The following HUNK variants were observed in gnomAD, a reference collection of about 807,000 sequenced individuals.
The protein encoded by HUNK is hormonally up-regulated Neu-associated kinase.
A neutral mutation model predicts 61.0 loss-of-function variants in HUNK; 21 were observed. The ratio of observed to expected loss-of-function variants is 0.34; its 90% CI spans 0.24 to 0.50. The LOEUF (loss-of-function observed/expected upper bound fraction) is 0.50, where lower values mean the gene tolerates loss of function less well. HUNK is among the 20% of genes least tolerant of loss of function. The probability of loss-of-function intolerance (pLI) is 0.98; values close to 1 mark genes in which losing one functional copy is unlikely to be tolerated. For synonymous variants in HUNK, 371 were observed against 386.1 expected, an observed-to-expected ratio of 0.96 and a Z score of 0.46; for missense variants, 772 against 945.7, an observed-to-expected ratio of 0.82 and a Z score of 2.41.
chr21:31,947,937 C>T (rs1177204671), intron 4 of HUNK, among the ~76,000 whole-genome samples: 1 of 152,182 alleles, frequency 6.6e-6, no homozygotes, highest in African/African-American at 2.4e-5. Context: ...CACTGTAACC[C>T]CCTTGTCCAG....
Position 31,983,562 on chromosome 21 carries a change from C to A in HUNK, c.1210C>A (p.Arg404=). The A allele has an allele frequency of 6.2e-7, 1 of 1,613,818 alleles. No individual in the cohort carries two copies. The highest frequency in any genetic ancestry group is 2.2e-5 in the East Asian group (1 of 44,876). The change falls in exon 8 of 11, where the codon CGG becomes AGG. Residue 404 remains arginine (R), a synonymous_variant. Coordinates refer to ENST00000270112, the MANE Select transcript of HUNK (RefSeq NM_014586.2). The part of the protein sequence containing the change: ...DIQDSLCYKT[R]LYQIEKYRAP... ...CCAGGACAGCCTCTGCTACAAGACC[C>A]GGCTCTACCAGATAGAAAAGTACAG...
chr21:31,920,244 A>C (rs1212178026), intron 1 of HUNK, among the ~76,000 whole-genome samples: 1 of 152,236 alleles, frequency 6.6e-6, no homozygotes, highest in Non-Finnish European at 1.5e-5. Flanking sequence ...CTACCCAGGT[A>C]ATCTAGGCTA....
intron 5 of HUNK, among the ~76,000 whole-genome samples, chr21:31,967,308 A>G (rs530297719): frequency 3.5e-4 from 53 of 152,294 alleles, no homozygotes; most frequent in African/African-American, 1.3e-3. Flanking sequence ...CCATGATGGC[A>G]CAACTGCACT....
At chr21:31,979,420 A>G (rs901406719) in intron 7 of HUNK, among the ~76,000 whole-genome samples, 6 of 129,374 alleles carry the variant, frequency 4.6e-5, no homozygotes, top group Middle Eastern at 5.2e-3. Context: ...CCCGGCCCCT[A>G]TTGGCCATTT....
intron 3 of HUNK, among the ~76,000 whole-genome samples, chr21:31,944,951 A>G (rs757846991): frequency 1.3e-5 from 2 of 152,200 alleles, no homozygotes; most frequent in Admixed American, 6.5e-5. Context: ...ATTTCCTACA[A>G]CGTTCCTAAT....
intron 7 of HUNK, among the ~76,000 whole-genome samples, chr21:31,983,298 A>G (rs1452407114): frequency 1.3e-5 from 2 of 152,144 alleles, no homozygotes; most frequent in East Asian, 3.9e-4. Context: ...CTTTACTGGC[A>G]GCGATAGTAA....
intron 1 of HUNK, among the ~76,000 whole-genome samples, chr21:31,888,237 G>A (rs981465928): frequency 6.6e-6 from 1 of 152,074 alleles, no homozygotes; most frequent in Admixed American, 6.6e-5. Flanking sequence ...GCAGGTTTCC[G>A]AATAACAGTA....
At position 31,919,437 on chromosome 21, in the gene HUNK, G is replaced by A. The variant is rs186677642; in HGVS notation, c.262-5031G>A. 1.2e-3 allele frequency among the ~76,000 whole-genome samples: 177 copies of A among 152,286 alleles called. 3 individuals are homozygous for A. Among genetic ancestry groups the A allele is most frequent in the Middle Eastern group, 0.01 (3 of 294 alleles). ...GAAGAACTGCCTAAAGAAAAGCCTA[G>A]CATGCACCCTTAAGCCTGGCATGTG... On this transcript the variant is annotated intron_variant, in intron 1 of 10. Transcript: ENST00000270112.
intron 6 of HUNK, among the ~76,000 whole-genome samples, chr21:31,973,299 A>G (rs1032286779): frequency 6.6e-6 from 1 of 152,098 alleles, no homozygotes; most frequent in East Asian, 1.9e-4. Flanking sequence ...ATCTCCTAAT[A>G]CTATCTCTCC....
intron 1 of HUNK, among the ~76,000 whole-genome samples, chr21:31,902,213 T>A (rs1477778512): frequency 6.6e-6 from 1 of 152,076 alleles, no homozygotes; most frequent in African/African-American, 2.4e-5. Context: ...TCACACAGAT[T>A]AAGAAAGTTG....
chr21:31,921,154 C>CA (rs751938845), intron 1 of HUNK, among the ~76,000 whole-genome samples: 2,376 of 39,314 alleles, frequency 0.06, 375 homozygotes, highest in Middle Eastern at 0.071. Context: ...GATTCCATCT[C>CA]AAAAAAAAAA....
intron 1 of HUNK, among the ~76,000 whole-genome samples, chr21:31,885,312 G>A (rs904153124): frequency 2.6e-5 from 4 of 152,316 alleles, no homozygotes; most frequent in Admixed American, 2.6e-4. Flanking sequence ...CACTCTTCGA[G>A]GGGCTCTGTC....
intron 4 of HUNK, among the ~76,000 whole-genome samples, chr21:31,954,536 A>G (rs537325618): frequency 1.4e-4 from 22 of 152,350 alleles, no homozygotes; most frequent in African/African-American, 5.3e-4. Context: ...GCAATGGCTA[A>G]TGTTTTGTGG....
intron 2 of HUNK, among the ~76,000 whole-genome samples, chr21:31,930,177 T>C (rs990476589): frequency 6.6e-6 from 1 of 152,186 alleles, no homozygotes; most frequent in African/African-American, 2.4e-5. Context: ...GTTTGACCAC[T>C]CGAAAGTGGC....
In HUNK at chr21:32,002,905, T is replaced by C. The variant is rs548822674; in HGVS notation, c.*3721T>C. Reference sequence around the variant, plus strand: ...GTCGGATTCCGGGGAAAAGAACAAGTATCTAGTTTTGATGACAATGTTTTC... The same window carrying C: ...GTCGGATTCCGGGGAAAAGAACAAGCATCTAGTTTTGATGACAATGTTTTC... On this transcript the variant is annotated 3_prime_UTR_variant, in exon 11 of 11. Coordinates refer to ENST00000270112, the MANE Select transcript of HUNK (RefSeq NM_014586.2). 1.3e-4 allele frequency: 20 copies of C among 152,356 alleles called. No homozygotes were observed. Among genetic ancestry groups the C allele is most frequent in the African/African-American group, 4.8e-4 (20 of 41,576 alleles). 9.4% of individuals were successfully genotyped at this position (152,356 alleles called of 1,614,324 possible). A position where few individuals can be genotyped will look rare whatever the true frequency, so the allele number is the denominator to read the frequency against.
intron 5 of HUNK, among the ~76,000 whole-genome samples, chr21:31,963,769 C>T (rs1158858442): frequency 6.6e-6 from 1 of 151,652 alleles, no homozygotes; most frequent in East Asian, 1.9e-4. Context: ...GTCGGACTCT[C>T]AAACTGCTGG....
intron 4 of HUNK, 58 bp downstream of exon 4, chr21:31,946,229 C>T (rs1040765735): frequency 3.2e-5 from 49 of 1,544,644 alleles, no homozygotes; most frequent in Admixed American, 5.5e-5. Context: ...CCGTGCCTTC[C>T]TTATGAAATC....
intron 3 of HUNK, among the ~76,000 whole-genome samples, chr21:31,943,629 C>T (rs1601390226): frequency 1.3e-5 from 2 of 152,208 alleles, no homozygotes; most frequent in East Asian, 3.8e-4. Flanking sequence ...CTCTCTTCCA[C>T]CTCCCAGATC....
At chr21:31,953,529 C>T (rs1286936348) in intron 4 of HUNK, among the ~76,000 whole-genome samples, 8 of 152,328 alleles carry the variant, frequency 5.3e-5, no homozygotes, top group South Asian at 4.1e-4. Context: ...CCACTGTGCC[C>T]GGCCAGGTTT....
Sources: allele counts gnomAD v4.1 joint callset (sites outside exome capture counted in the v4.1 genomes callset), GRCh38; gene constraint gnomAD v4.1.1; transcripts MANE v1.5; gene names NCBI Gene and HGNC (gene_info 2026-07-23, HGNC 2026-07-21).